The following STXBP5L variants were observed in gnomAD, a reference collection of about 807,000 sequenced individuals.
The protein encoded by STXBP5L is syntaxin-binding protein 5-like.
Under a neutral mutation model 144.5 loss-of-function variants are expected in STXBP5L, and 65 were observed. The ratio of observed to expected loss-of-function variants is 0.45; its 90% CI spans 0.37 to 0.55. The LOEUF is 0.55. STXBP5L is among the 20% of genes least tolerant of loss of function. The pLI is 0.00. For synonymous variants in STXBP5L, 505 were observed against 469.6 expected (o/e 1.08, Z -0.97); for missense variants, 1,298 against 1,405.5 (o/e 0.92, Z 1.22).
intron 3 of STXBP5L, among the ~76,000 whole-genome samples, chr3:120,997,304 C>A (rs1462354534): frequency 6.6e-6 from 1 of 152,104 alleles, no homozygotes; most frequent in Non-Finnish European, 1.5e-5. Flanking sequence ...TGGGTATATA[C>A]CCACTAGTGG....
intron 19 of STXBP5L, among the ~76,000 whole-genome samples, chr3:121,318,182 G>A (rs542573213): frequency 6.6e-6 from 1 of 151,864 alleles, no homozygotes; most frequent in Non-Finnish European, 1.5e-5. Flanking sequence ...AATAGGCCAG[G>A]CATGGTGGCT....
chr3:121,314,081 C>T (rs1188706396), intron 19 of STXBP5L, among the ~76,000 whole-genome samples: 12 of 148,436 alleles, frequency 8.1e-5, no homozygotes, highest in Middle Eastern at 3.5e-3. Flanking sequence ...GATGGGATGG[C>T]GGCCGGGCAG....
chr3:121,004,561 GC>G (rs1215884963), intron 3 of STXBP5L, among the ~76,000 whole-genome samples: 5 of 151,762 alleles, frequency 3.3e-5, no homozygotes, highest in Non-Finnish European at 5.9e-5. Context: ...CTGCCTGATT[GC>G]CCTGGCCAGA....
intron 14 of STXBP5L, 86 bp from the exon 15 acceptor site, chr3:121,250,637 A>G (rs1226164522): frequency 2.7e-6 from 3 of 1,108,218 alleles, no homozygotes; most frequent in Non-Finnish European, 4.0e-6. Flanking sequence ...AATTGTATCA[A>G]CAGTAACTCA....
At chr3:121,181,458 G>A (rs2047149340) in intron 9 of STXBP5L, among the ~76,000 whole-genome samples, 1 of 152,252 alleles carries the variant, frequency 6.6e-6, no homozygotes, top group African/African-American at 2.4e-5. Flanking sequence ...AACCGGCTGG[G>A]CGCAGTGGCT....
chr3:121,364,081 T>C (rs1443795506), intron 20 of STXBP5L, among the ~76,000 whole-genome samples: 9 of 152,212 alleles, frequency 5.9e-5, no homozygotes, highest in Non-Finnish European at 1.2e-4. Flanking sequence ...TGTTTGTGCC[T>C]TTGATATCAT....
At chr3:121,294,354 C>T (rs967227064) in intron 19 of STXBP5L, among the ~76,000 whole-genome samples, 33 of 152,182 alleles carry the variant, frequency 2.2e-4, no homozygotes, top group African/African-American at 8.0e-4. Flanking sequence ...CACTTATTGT[C>T]ATGATATTTT....
intron 20 of STXBP5L, among the ~76,000 whole-genome samples, chr3:121,342,044 A>G (rs1472925009): frequency 6.6e-6 from 1 of 152,086 alleles, no homozygotes; most frequent in Non-Finnish European, 1.5e-5. Flanking sequence ...GATAGATATC[A>G]CATTTACCCT....
chr3:121,162,983 T>C (rs1376319570), intron 9 of STXBP5L, among the ~76,000 whole-genome samples: 1 of 152,154 alleles, frequency 6.6e-6, no homozygotes, highest in South Asian at 2.1e-4. Flanking sequence ...GGAGTGTAAA[T>C]TAGTTCAACC....
intron 3 of STXBP5L, among the ~76,000 whole-genome samples, chr3:121,032,884 A>G (rs1296685413): frequency 1.0e-3 from 57 of 54,982 alleles, no homozygotes; most frequent in Admixed American, 2.5e-3. Flanking sequence ...ATCATCTCAC[A>G]TCAGTTAGAA....
At chr3:121,034,901 A>G (rs1043553192) in intron 3 of STXBP5L, among the ~76,000 whole-genome samples, 1 of 152,162 alleles carries the variant, frequency 6.6e-6, no homozygotes, top group Non-Finnish European at 1.5e-5. Context: ...TTGACTTTCT[A>G]ATAATAGTCA....
At chr3:120,974,357 T>C (rs1169187017) in intron 3 of STXBP5L, among the ~76,000 whole-genome samples, 1 of 152,060 alleles carries the variant, frequency 6.6e-6, no homozygotes, top group Non-Finnish European at 1.5e-5. Flanking sequence ...GAAGTGTCTG[T>C]TCATGTCCTT....
chr3:121,030,798 A>T (rs1292565444), intron 3 of STXBP5L, among the ~76,000 whole-genome samples: 1 of 152,122 alleles, frequency 6.6e-6, no homozygotes, highest in Non-Finnish European at 1.5e-5. Context: ...GATGCATGAT[A>T]AAGCTTGAGA....
intron 5 of STXBP5L, among the ~76,000 whole-genome samples, chr3:121,056,544 C>A (rs1381046645): frequency 1.3e-5 from 2 of 151,976 alleles, no homozygotes; most frequent in African/African-American, 2.4e-5. Flanking sequence ...TTTTGCAGAC[C>A]CAATTTATAA....
intron 3 of STXBP5L, among the ~76,000 whole-genome samples, chr3:120,978,990 C>A (rs1444988882): frequency 6.6e-6 from 1 of 152,190 alleles, no homozygotes; most frequent in Non-Finnish European, 1.5e-5. Flanking sequence ...GCTTGGGGGT[C>A]AGGGGTCAGG....
chr3:121,224,321 T>C (rs927586289), intron 11 of STXBP5L, among the ~76,000 whole-genome samples: 1 of 152,184 alleles, frequency 6.6e-6, no homozygotes, highest in African/African-American at 2.4e-5. Context: ...AATTATTTAG[T>C]CTCACATTTA....
At chr3:120,977,146 G>A (rs1941142009) in intron 3 of STXBP5L, among the ~76,000 whole-genome samples, 1 of 152,196 alleles carries the variant, frequency 6.6e-6, no homozygotes, top group Non-Finnish European at 1.5e-5. Context: ...ACAGTGGGGT[G>A]TTAAAGTCTC....
intron 5 of STXBP5L, among the ~76,000 whole-genome samples, chr3:121,052,752 C>T (rs369919557): frequency 0.52 from 78,875 of 151,028 alleles, 21,097 homozygotes; most frequent in African/African-American, 0.62. Flanking sequence ...CCAGGGCAAT[C>T]AGGCAGGAGA....
At chr3:121,325,042 T>C (rs1018365585) in intron 20 of STXBP5L, among the ~76,000 whole-genome samples, 1 of 152,040 alleles carries the variant, frequency 6.6e-6, no homozygotes, top group Non-Finnish European at 1.5e-5. Flanking sequence ...ATGTTATCTC[T>C]CAAAAACAGT....
Sources: allele counts gnomAD v4.1 joint callset (sites outside exome capture counted in the v4.1 genomes callset), GRCh38; gene constraint gnomAD v4.1.1; transcripts MANE v1.5; gene names NCBI Gene and HGNC (gene_info 2026-07-23, HGNC 2026-07-21).